The following SUPT3H variants were observed in gnomAD, a reference collection of about 807,000 sequenced individuals.
SUPT3H encodes SPT3 homolog, SAGA and STAGA complex component, also known as transcription initiation protein SPT3 homolog.
In SUPT3H, 44 loss-of-function variants were observed where a neutral mutation model predicts 44.3. The ratio of observed to expected loss-of-function variants is 0.99; its 90% CI spans 0.78 to 1.28. SUPT3H has a LOEUF of 1.28. Among genes scored for constraint, SUPT3H ranks in the 50% most tolerant of loss-of-function variants. The pLI, the probability that SUPT3H is intolerant of heterozygous loss-of-function variation, is 0.00. For missense variants in SUPT3H, 380 were observed against 387.1 expected, an observed-to-expected ratio of 0.98 and a Z score of 0.15; for synonymous variants, 124 against 125.6, an observed-to-expected ratio of 0.99 and a Z score of 0.09.
intron 1 of SUPT3H, chr6:45,372,142 G>A (rs1796155256): frequency 2.1e-6 from 1 of 481,206 alleles, no homozygotes; most frequent in Non-Finnish European, 2.7e-6. Context: ...GCAGTAAAGA[G>A]CTAGGCTCTG....
chr6:45,015,654 T>C (rs78727801), intron 4 of SUPT3H, among the ~76,000 whole-genome samples: 2,679 of 152,278 alleles, frequency 0.018, 52 homozygotes, highest in South Asian at 0.086. Context: ...ACAGTAATAC[T>C]TAGCTTAAAA....
At chr6:44,999,071 G>A (rs1781658147) in intron 6 of SUPT3H, among the ~76,000 whole-genome samples, 1 of 151,720 alleles carries the variant, frequency 6.6e-6, no homozygotes, top group Admixed American at 6.6e-5. Flanking sequence ...TTGTTTGTTA[G>A]TTTAACTTCC....
intron 2 of SUPT3H, among the ~76,000 whole-genome samples, chr6:45,270,929 A>G (rs1354870611): frequency 6.6e-6 from 1 of 152,216 alleles, no homozygotes; most frequent in Non-Finnish European, 1.5e-5. Flanking sequence ...TGGGAACTGA[A>G]GCAAAGGTGA....
chr6:44,925,584 A>G (rs548051576), intron 10 of SUPT3H, among the ~76,000 whole-genome samples: 11 of 152,282 alleles, frequency 7.2e-5, no homozygotes, highest in African/African-American at 9.6e-5. Context: ...ACCTGGGTTT[A>G]TATCAGCAAT....
intron 10 of SUPT3H, among the ~76,000 whole-genome samples, chr6:44,919,863 A>G (rs549572327): frequency 1.5e-3 from 221 of 151,880 alleles, no homozygotes; most frequent in African/African-American, 5.0e-3. Context: ...TCTCAACACA[A>G]TCACTTCTTT....
chr6:45,248,899 G>C (rs1327030944), intron 2 of SUPT3H, among the ~76,000 whole-genome samples: 1 of 144,308 alleles, frequency 6.9e-6, no homozygotes, highest in African/African-American at 2.5e-5. Context: ...TGGTGACAGA[G>C]CAAGACTCCA....
At chr6:45,327,674 A>C (rs1473334310) in intron 2 of SUPT3H, among the ~76,000 whole-genome samples, 1 of 151,968 alleles carries the variant, frequency 6.6e-6, no homozygotes, top group Non-Finnish European at 1.5e-5. Context: ...TAACACTTTC[A>C]TGACAGCCAA....
chr6:45,368,385 TA>T (rs937621641), intron 1 of SUPT3H, among the ~76,000 whole-genome samples: 2 of 152,166 alleles, frequency 1.3e-5, no homozygotes, highest in African/African-American at 4.8e-5. Context: ...CCTTTCAATT[TA>T]AAATGAAGGA....
At chr6:45,368,923 A>T (rs983357340) in intron 1 of SUPT3H, among the ~76,000 whole-genome samples, 16 of 152,204 alleles carry the variant, frequency 1.1e-4, no homozygotes, top group Admixed American at 2.0e-4. Flanking sequence ...TTTGTTGTTT[A>T]AAAAAATAAT....
At chr6:45,115,609 T>C (rs1294665480) in intron 2 of SUPT3H, among the ~76,000 whole-genome samples, 6 of 152,028 alleles carry the variant, frequency 3.9e-5, no homozygotes, top group Non-Finnish European at 7.4e-5. Context: ...ACAAAACAAC[T>C]TCCAAAATAA....
chr6:45,285,666 G>T (rs1206176352), intron 2 of SUPT3H, among the ~76,000 whole-genome samples: 2 of 152,066 alleles, frequency 1.3e-5, no homozygotes, highest in Non-Finnish European at 2.9e-5. Flanking sequence ...TGGCCATACT[G>T]CCCAAGATAA....
chr6:44,890,296 A>C (rs1464356122), intron 10 of SUPT3H, among the ~76,000 whole-genome samples: 1 of 150,974 alleles, frequency 6.6e-6, no homozygotes, highest in Non-Finnish European at 1.5e-5. Flanking sequence ...GCTGCTATAA[A>C]GACACATGCA....
At chr6:45,181,489 G>A (rs1813173392) in intron 2 of SUPT3H, among the ~76,000 whole-genome samples, 1 of 151,894 alleles carries the variant, frequency 6.6e-6, no homozygotes, top group Admixed American at 6.6e-5. Context: ...ATGATAGACT[G>A]GATTAAGAAA....
At chr6:45,118,261 T>C (rs182056736) in intron 2 of SUPT3H, among the ~76,000 whole-genome samples, 24 of 152,214 alleles carry the variant, frequency 1.6e-4, no homozygotes, top group Admixed American at 7.2e-4. Flanking sequence ...ACTGAAAATA[T>C]TAGTGAAAAC....
intron 10 of SUPT3H, among the ~76,000 whole-genome samples, chr6:44,854,739 A>G (rs56284157): frequency 6.6e-6 from 1 of 152,176 alleles, no homozygotes; most frequent in Non-Finnish European, 1.5e-5. Flanking sequence ...ATGTATCTAA[A>G]ATGTGATTTT....
intron 3 of SUPT3H, among the ~76,000 whole-genome samples, chr6:45,065,522 C>G (rs1793113738): frequency 6.6e-6 from 1 of 151,494 alleles, no homozygotes; most frequent in Admixed American, 6.6e-5. Context: ...AATCCAGGAG[C>G]TGGTTTTTTG....
chr6:44,919,200 T>C (rs1193496989), intron 10 of SUPT3H, among the ~76,000 whole-genome samples: 2 of 152,164 alleles, frequency 1.3e-5, no homozygotes, highest in Non-Finnish European at 2.9e-5. Context: ...ACAGAGACGA[T>C]AGCTTCTCAC....
chr6:45,342,878 G>T (rs1408413755), intron 2 of SUPT3H, among the ~76,000 whole-genome samples: 1 of 152,128 alleles, frequency 6.6e-6, no homozygotes, highest in Non-Finnish European at 1.5e-5. Context: ...AATCGAAAAA[G>T]TATTCTCATG....
chr6:44,835,414 G>C (rs1180821971), intron 10 of SUPT3H, among the ~76,000 whole-genome samples: 1 of 152,072 alleles, frequency 6.6e-6, no homozygotes, highest in African/African-American at 2.4e-5. Context: ...AAGAGCCTGG[G>C]GTTTTCCAAA....
Sources: gnomAD v4.1 joint callset for allele counts (sites outside exome capture counted in the v4.1 genomes callset) on GRCh38, gnomAD v4.1.1 for gene constraint, MANE v1.5 for transcripts, NCBI Gene and HGNC (gene_info 2026-07-23, HGNC 2026-07-21) for gene names.